WDR19: variants seen among roughly 807,000 people sequenced by gnomAD.
The protein encoded by WDR19 is WD repeat-containing protein 19.
A neutral mutation model predicts 180.0 loss-of-function variants in WDR19; 121 were observed. That is an observed-to-expected ratio of 0.67 (90% CI 0.58 to 0.78). The LOEUF is 0.78. Ranked by LOEUF, WDR19 falls within the 30% of genes least tolerant of loss-of-function variation. The pLI, the probability that WDR19 is intolerant of heterozygous loss-of-function variation, is 0.00. For synonymous variants in WDR19, 497 were observed against 540.7 expected (o/e 0.92, Z 1.12); for missense variants, 1,450 against 1,640.7 (o/e 0.88, Z 2.01).
chr4:39,202,173 T>C (rs912158322), intron 6 of WDR19, among the ~76,000 whole-genome samples: 1 of 152,196 alleles, frequency 6.6e-6, no homozygotes, highest in African/African-American at 2.4e-5. Context: ...TTCTTATGTC[T>C]CTTAATCTCT....
At chr4:39,236,842 T>G (rs146925052) in intron 20 of WDR19, among the ~76,000 whole-genome samples, 1 of 152,224 alleles carries the variant, frequency 6.6e-6, no homozygotes, top group Non-Finnish European at 1.5e-5. Context: ...TCTTAATTGC[T>G]AGACCCTCTT....
At chr4:39,225,107 T>C in intron 15 of WDR19, 74 bp downstream of exon 15, 1 of 1,247,538 alleles carries the variant, frequency 8.0e-7, no homozygotes, top group Non-Finnish European at 1.1e-6. Context: ...AAAGCCTATC[T>C]CATGTAAAAT....
chr4:39,192,966 G>C (rs1315202603), intron 4 of WDR19, among the ~76,000 whole-genome samples: 1 of 152,092 alleles, frequency 6.6e-6, no homozygotes, highest in East Asian at 1.9e-4. Context: ...TAGCAGCTGG[G>C]GCTCATGGGC....
chr4:39,273,814 G>A (rs551631715), intron 32 of WDR19: 2 of 152,160 alleles, frequency 1.3e-5, no homozygotes, highest in African/African-American at 4.8e-5. Flanking sequence ...TCACAAGCAC[G>A]GTAGGACGTT....
At chr4:39,241,809 AGAAAG>A (rs1337353553) in intron 21 of WDR19, among the ~76,000 whole-genome samples, 1 of 130,276 alleles carries the variant, frequency 7.7e-6, no homozygotes, top group East Asian at 2.1e-4. Flanking sequence ...AAAAAAAAAA[AGAAAG>A]AAAGAAAGAA....
chr4:39,230,374 C>G (rs1345293808), intron 17 of WDR19, among the ~76,000 whole-genome samples: 1 of 152,196 alleles, frequency 6.6e-6, no homozygotes, highest in African/African-American at 2.4e-5. Flanking sequence ...CCCACCACCA[C>G]AGGCAGTCCT....
intron 6 of WDR19, among the ~76,000 whole-genome samples, chr4:39,202,692 A>T (rs2109292833): frequency 2.0e-5 from 1 of 51,076 alleles, no homozygotes; most frequent in South Asian, 1.2e-3. Context: ...ATATGCACTT[A>T]AAAAAAAAAC....
In WDR19 at chr4:39,281,232, T is replaced by TAGAGAGAG. The variant is rs542816951; in HGVS notation, c.*13+2570_*13+2571insGAGAGAGA. Among the ~76,000 whole-genome samples the TAGAGAGAG allele has an allele frequency of 8.5e-3, 857 of 100,740 alleles. 7 individuals are homozygous for TAGAGAGAG. Among genetic ancestry groups the TAGAGAGAG allele is most frequent in the Middle Eastern group, 0.013 (3 of 226 alleles). The allele number at this position is 100,740 out of a possible 152,430, so 66.1% of individuals were successfully genotyped here. On this transcript the variant is annotated intron_variant, in intron 36 of 36. Coordinates refer to ENST00000399820, the MANE Select transcript of WDR19 (RefSeq NM_025132.4). Reference sequence around the variant, plus strand: ...GTGTGTGTGTATATATATATATATATATATAGAGAGAGAGAGAGAGAGAGA... The same window carrying TAGAGAGAG: ...GTGTGTGTGTATATATATATATATATAGAGAGAGATATAGAGAGAGAGAGAGAGAGAGA...
At chr4:39,185,160 C>T (rs1312855913) in intron 1 of WDR19, among the ~76,000 whole-genome samples, 1 of 152,130 alleles carries the variant, frequency 6.6e-6, no homozygotes, top group Non-Finnish European at 1.5e-5. Context: ...TTGGACATCA[C>T]GTTTCTTGAT....
In WDR19 at chr4:39,217,213, T is replaced by G. The variant is rs1302208425; in HGVS notation, c.1329T>G (p.Leu443=). 8 of 1,604,602 alleles carry G rather than the reference T, an allele frequency of 5.0e-6. No homozygotes were observed. Among genetic ancestry groups the G allele is most frequent in the Non-Finnish European group, 6.8e-6 (8 of 1,175,512 alleles). ...ICLHSDYAAA[L]FEGKVQLHLI... Reference sequence around the variant, plus strand: ...TTCATTCTGACTATGCTGCTGCACTTTTTGAAGGCAAAGTCCAGTTACATT... The same window carrying G: ...TTCATTCTGACTATGCTGCTGCACTGTTTGAAGGCAAAGTCCAGTTACATT... Residue 443 remains leucine, a synonymous_variant, in exon 13 of 37, where the codon CTT becomes CTG. Transcript: ENST00000399820.
At chr4:39,204,097 T>G (rs1727662893) in intron 7 of WDR19, among the ~76,000 whole-genome samples, 1 of 152,076 alleles carries the variant, frequency 6.6e-6, no homozygotes, top group African/African-American at 2.4e-5. Flanking sequence ...TGTTTGTTTT[T>G]TTTTTGAGAC....
intron 3 of WDR19, among the ~76,000 whole-genome samples, chr4:39,188,824 C>A (rs570275291): frequency 1.3e-5 from 2 of 152,174 alleles, no homozygotes; most frequent in African/African-American, 4.8e-5. Context: ...AAACATGGCT[C>A]ACTGCAGCCT....
chr4:39,220,316 G>A (rs1180178055), intron 14 of WDR19, among the ~76,000 whole-genome samples: 1 of 151,836 alleles, frequency 6.6e-6, no homozygotes, highest in Non-Finnish European at 1.5e-5. Flanking sequence ...ATGAAATTAT[G>A]ATTATCATTA....
At chr4:39,240,046 G>A (rs572223607) in intron 20 of WDR19, among the ~76,000 whole-genome samples, 18 of 151,924 alleles carry the variant, frequency 1.2e-4, no homozygotes, top group African/African-American at 3.6e-4. Flanking sequence ...GCATGGTGGC[G>A]CATGCCTATA....
intron 17 of WDR19, among the ~76,000 whole-genome samples, chr4:39,228,899 A>G (rs1279483828): frequency 6.6e-6 from 1 of 151,768 alleles, no homozygotes; most frequent in Non-Finnish European, 1.5e-5. Flanking sequence ...TGTACCCATC[A>G]CCAGAATAGT....
rs10010199 is a variant in WDR19, at chr4:39,284,212, C to T, written c.*14-1275C>T. Among the ~76,000 whole-genome samples, 1,060 of 151,920 alleles carry T rather than the reference C, an allele frequency of 7.0e-3. 17 individuals are homozygous for T. Among genetic ancestry groups the T allele is most frequent in the African/African-American group, 0.024 (1,003 of 41,460 alleles). On this transcript the variant is annotated intron_variant, in intron 36 of 36. Coordinates refer to ENST00000399820, the MANE Select transcript of WDR19 (RefSeq NM_025132.4). ...CTCCAGTAATATCTGTGTTTGACTA[C>T]TTGATGTCAAGGTCACTAAAGTTCT...
chr4:39,188,713 A>G (rs544827218), intron 3 of WDR19, among the ~76,000 whole-genome samples: 1 of 151,534 alleles, frequency 6.6e-6, no homozygotes, highest in East Asian at 1.9e-4. Flanking sequence ...TTACAATCCT[A>G]TATCTACCCA....
chr4:39,204,611 A>G (rs1243147898), intron 7 of WDR19, among the ~76,000 whole-genome samples: 1 of 152,218 alleles, frequency 6.6e-6, no homozygotes, highest in Non-Finnish European at 1.5e-5. Flanking sequence ...TTTCTCCCCA[A>G]CATAATTACA....
chr4:39,193,751 G>T (rs1030491365), intron 4 of WDR19, among the ~76,000 whole-genome samples: 9 of 152,214 alleles, frequency 5.9e-5, no homozygotes, highest in African/African-American at 2.2e-4. Flanking sequence ...GGTGCTGAAA[G>T]TTTAGCTGCA....
Sources: allele counts gnomAD v4.1 joint callset (sites outside exome capture counted in the v4.1 genomes callset), GRCh38; gene constraint gnomAD v4.1.1; transcripts MANE v1.5; gene names NCBI Gene and HGNC (gene_info 2026-07-23, HGNC 2026-07-21).